Variants in PHACTR3 observed in about 807,000 individuals in gnomAD.
PHACTR3 encodes the protein phosphatase and actin regulator 3.
A neutral mutation model predicts 66.8 loss-of-function variants in PHACTR3; 16 were observed. The observed-to-expected ratio is 0.24, with a 90% CI of 0.16 to 0.36. The LOEUF (loss-of-function observed/expected upper bound fraction) is 0.36, where lower values mean the gene tolerates loss of function less well. PHACTR3 is among the 10% of genes least tolerant of loss of function. The pLI, the probability that PHACTR3 is intolerant of heterozygous loss-of-function variation, is 1.00. For synonymous variants in PHACTR3, 323 were observed against 292.1 expected (o/e 1.11, Z -1.08); for missense variants, 647 against 719.9 (o/e 0.90, Z 1.16).
At chr20:59,589,589 G>A (rs1244808410) in intron 1 of PHACTR3, among the ~76,000 whole-genome samples, 3 of 152,182 alleles carry the variant, frequency 2.0e-5, no homozygotes, top group African/African-American at 7.2e-5. Context: ...CAGTTGCTGC[G>A]ACGGGGTGCT....
At chr20:59,755,457 C>G in intron 4 of PHACTR3, 93 bp downstream of exon 4, 1 of 1,348,674 alleles carries the variant, frequency 7.4e-7, no homozygotes, top group Non-Finnish European at 1.0e-6. Flanking sequence ...CAACAGCCCT[C>G]GTAGAACATT....
intron 1 of PHACTR3, among the ~76,000 whole-genome samples, chr20:59,648,535 A>AAATCTCC (rs2146443932): frequency 6.6e-6 from 1 of 152,316 alleles, no homozygotes; most frequent in East Asian, 1.9e-4. Context: ...TGATTTCTTA[A>AAATCTCC]TCAGCAAGAG....
intron 1 of PHACTR3, among the ~76,000 whole-genome samples, chr20:59,703,776 C>T (rs141570523): frequency 2.0e-5 from 3 of 152,148 alleles, no homozygotes; most frequent in African/African-American, 7.2e-5. Context: ...GTCCTCATTG[C>T]TCTATAGAGA....
rs112095019 is a variant in PHACTR3, at chr20:59,663,795, G to T, written c.118+58663G>T. Among the ~76,000 whole-genome samples the T allele has an allele frequency of 8.9e-4, 135 of 152,298 alleles. 2 individuals are homozygous for T. The highest frequency in any genetic ancestry group is 3.1e-3 in the African/African-American group (129 of 41,560). ...AGCTGAAGTTATTTCCTTGTGCAAC[G>T]GAGATGAAAACACTTGGGAACAAGG... is the stretch of plus-strand genomic sequence containing the variant. On this transcript the variant is annotated intron_variant, in intron 1 of 12. Coordinates refer to ENST00000371015, the MANE Select transcript of PHACTR3 (RefSeq NM_080672.5).
chr20:59,629,150 C>T (rs1315288016), intron 1 of PHACTR3, among the ~76,000 whole-genome samples: 1 of 152,242 alleles, frequency 6.6e-6, no homozygotes, highest in African/African-American at 2.4e-5. Flanking sequence ...GGCCCCTTGG[C>T]TCCTGAAGTG....
chr20:59,830,606 C>T lies in PHACTR3; in HGVS notation c.1329-5899C>T, dbSNP rs997034726. Among the ~76,000 whole-genome samples, 8 of 152,204 alleles carry T rather than the reference C, an allele frequency of 5.3e-5. No individual in the cohort carries two copies. Among genetic ancestry groups the T allele is most frequent in the African/African-American group, 1.9e-4 (8 of 41,462 alleles). On this transcript the variant is annotated intron_variant, in intron 8 of 12. Coordinates refer to ENST00000371015, the MANE Select transcript of PHACTR3 (RefSeq NM_080672.5). This position sits in a 1 kb window ranked among gnomAD's most constrained non-coding sequence, Gnocchi z 5.8. ...GCTGGGCAGGATGGAGCCTGCAGCT[C>T]TGCTGGCTGAAGGTGGAAGAGACCT...
intron 8 of PHACTR3, among the ~76,000 whole-genome samples, chr20:59,813,278 G>A (rs985414491): frequency 2.6e-5 from 4 of 152,200 alleles, no homozygotes; most frequent in African/African-American, 9.6e-5. Flanking sequence ...CTGAGCTGCC[G>A]CAAGCGCTGA....
At chr20:59,753,337 C>G (rs2039669281) in intron 3 of PHACTR3, among the ~76,000 whole-genome samples, 1 of 152,130 alleles carries the variant, frequency 6.6e-6, no homozygotes, top group Non-Finnish European at 1.5e-5. Flanking sequence ...CATGGCTGAC[C>G]TTTTCATTCT....
chr20:59,767,499 C>G, intron 5 of PHACTR3, 104 bp downstream of exon 5: 1 of 1,278,406 alleles, frequency 7.8e-7, no homozygotes, highest in East Asian at 2.5e-5. Flanking sequence ...TTTATTCACC[C>G]ATTCACTCAT....
chr20:59,777,566 C>T (rs564547439), intron 7 of PHACTR3, among the ~76,000 whole-genome samples: 56 of 152,312 alleles, frequency 3.7e-4, no homozygotes, highest in Non-Finnish European at 1.3e-4. Context: ...TGTTGTCAGA[C>T]GAAGGCCCTC....
At position 59,742,917 on chromosome 20, in the gene PHACTR3, G is replaced by A. The variant is rs140066788; in HGVS notation, c.119-190G>A. Among the ~76,000 whole-genome samples, 1,303 of 152,322 alleles carry A rather than the reference G, an allele frequency of 8.6e-3. 16 individuals are homozygous for A. The highest frequency in any genetic ancestry group is 0.029 in the African/African-American group (1,200 of 41,580). On this transcript the variant is annotated intron_variant, in intron 1 of 12. Transcript: ENST00000371015. Reference sequence around the variant, plus strand: ...GGGTCGCAGGAGGGAGGGTCTCACAGAGGGAAATTCAGCGCACGCTGCTGA... The same window carrying A: ...GGGTCGCAGGAGGGAGGGTCTCACAAAGGGAAATTCAGCGCACGCTGCTGA...
intron 1 of PHACTR3, among the ~76,000 whole-genome samples, chr20:59,629,570 G>A (rs574704485): frequency 6.6e-6 from 1 of 152,344 alleles, no homozygotes; most frequent in African/African-American, 2.4e-5. Flanking sequence ...GCTGTGAGTG[G>A]CCGCCTTCTC....
intron 9 of PHACTR3, among the ~76,000 whole-genome samples, chr20:59,838,769 A>G (rs552374356): frequency 6.6e-6 from 1 of 152,308 alleles, no homozygotes; most frequent in Admixed American, 6.5e-5. Flanking sequence ...TTTCCAGAAA[A>G]TATGAGTATA....
At position 59,742,063 on chromosome 20, in the gene PHACTR3, G is replaced by A. The variant is rs572027596; in HGVS notation, c.119-1044G>A. Among the ~76,000 whole-genome samples, 11 of 152,318 alleles carry A rather than the reference G, an allele frequency of 7.2e-5. No homozygotes were observed. In the South Asian group the frequency reaches 8.3e-4, roughly 11 times the overall value. Reference sequence around the variant, plus strand: ...GGCGTAAGCCACTGTGCCCAGCCCCGGGGTTCCCCATTTCTTTGGAGGGCC... The same window carrying A: ...GGCGTAAGCCACTGTGCCCAGCCCCAGGGTTCCCCATTTCTTTGGAGGGCC... On this transcript the variant is annotated intron_variant, in intron 1 of 12. Transcript: ENST00000371015.
rs561355776 is a variant in PHACTR3 at position 59,845,484 on chromosome 20, GTTTA to G, written c.1664+224_1664+227del. 7.3e-4 allele frequency among the ~76,000 whole-genome samples: 111 copies of G among 152,194 alleles called. 1 individual carries two copies. The highest frequency in any genetic ancestry group is 2.6e-3 in the African/African-American group (107 of 41,542). Reference sequence around the variant, plus strand: ...GGTGATATGTATGGTAACAATATCGGTTTATTTAAGTAGTTAATGCATATTTAAC... The same window carrying G: ...GGTGATATGTATGGTAACAATATCGGTTTAAGTAGTTAATGCATATTTAAC... On this transcript the variant is annotated intron_variant, in intron 12 of 12. Transcript: ENST00000371015.
At chr20:59,657,511 A>G (rs901142485) in intron 1 of PHACTR3, among the ~76,000 whole-genome samples, 1 of 151,978 alleles carries the variant, frequency 6.6e-6, no homozygotes, top group African/African-American at 2.4e-5. Flanking sequence ...ATCCTATTTT[A>G]TTTATCTATG....
intron 4 of PHACTR3, among the ~76,000 whole-genome samples, chr20:59,761,207 G>T (rs936571720): frequency 2.0e-5 from 3 of 152,094 alleles, no homozygotes; most frequent in Middle Eastern, 3.2e-3. Flanking sequence ...CTGGGAGCCA[G>T]GGAGGGAGGG....
chr20:59,684,507 A>G (rs922977234), intron 1 of PHACTR3, among the ~76,000 whole-genome samples: 1 of 152,082 alleles, frequency 6.6e-6, no homozygotes, highest in Non-Finnish European at 1.5e-5. Flanking sequence ...TTGCCTGGAG[A>G]TGGGAGTTGT....
intron 1 of PHACTR3, among the ~76,000 whole-genome samples, chr20:59,694,321 A>G (rs1224200919): frequency 6.6e-6 from 1 of 152,122 alleles, no homozygotes; most frequent in Non-Finnish European, 1.5e-5. Flanking sequence ...GATCACATAC[A>G]CAGGTGGAAG....
Sources: allele counts gnomAD v4.1 joint callset (sites outside exome capture counted in the v4.1 genomes callset), GRCh38; gene constraint gnomAD v4.1.1; non-coding constraint Gnocchi (gnomAD v3.1); transcripts MANE v1.5; gene names NCBI Gene and HGNC (gene_info 2026-07-23, HGNC 2026-07-21).